The following RCC2 variants were observed in gnomAD, a reference collection of about 807,000 sequenced individuals.
The protein encoded by RCC2 is regulator of chromosome condensation 2.
In RCC2, 19 loss-of-function variants were observed where a neutral mutation model predicts 64.1. The ratio of observed to expected loss-of-function variants is 0.30; its 90% confidence interval spans 0.21 to 0.44. The LOEUF is 0.44. Among genes scored for constraint, RCC2 ranks in the 20% least tolerant of loss-of-function variants. The pLI, the probability that RCC2 is intolerant of heterozygous loss-of-function variation, is 1.00. For missense variants in RCC2, 508 were observed against 710.4 expected (o/e 0.72, Z 3.24); for synonymous variants, 325 against 279.6 (o/e 1.16, Z -1.62).
Position 17,413,725 on chromosome 1 carries a change from G to A in RCC2, c.1027-8C>T. 1 of 1,604,944 alleles carries A rather than the reference G, an allele frequency of 6.2e-7. No individual in the cohort carries two copies. ...CTGGGAGTCCAGGACCAGCTGCAAG[G>A]AAAGAAAACACAGGGTTGGAACAAA... On this transcript the variant is annotated splice_polypyrimidine_tract_variant and splice_region_variant and intron_variant, in intron 8 of 12. Transcript: ENST00000375436.
intron 2 of RCC2, among the ~76,000 whole-genome samples, chr1:17,433,063 T>C (rs2075700205): frequency 6.6e-6 from 1 of 152,164 alleles, no homozygotes; most frequent in Non-Finnish European, 1.5e-5. Context: ...TACATATACA[T>C]ATATACGTGT....
chr1:17,422,047 AAAAC>A (rs1436902421), intron 6 of RCC2, among the ~76,000 whole-genome samples, 152 bp downstream of exon 6: 4 of 152,310 alleles, frequency 2.6e-5, no homozygotes, highest in South Asian at 2.1e-4. Context: ...AAAAAACAAA[AAAAC>A]AAACAAAAAA....
At chr1:17,415,764 G>A (rs2075475747) in intron 8 of RCC2, among the ~76,000 whole-genome samples, 1 of 150,072 alleles carries the variant, frequency 6.7e-6, no homozygotes, top group Non-Finnish European at 1.5e-5. Context: ...TTTATCTAAA[G>A]TGACCTTTAA....
intron 5 of RCC2, 105 bp from the exon 6 acceptor site, chr1:17,422,396 G>T: frequency 1.8e-6 from 2 of 1,081,874 alleles, no homozygotes; most frequent in Non-Finnish European, 2.7e-6. Flanking sequence ...CATTTGCCAG[G>T]CAGAAGGCAA....
intron 2 of RCC2, among the ~76,000 whole-genome samples, chr1:17,429,780 G>A (rs79612713): frequency 0.02 from 3,037 of 152,218 alleles, 103 homozygotes; most frequent in African/African-American, 0.069. Context: ...TGAATCAGGC[G>A]GCCTTTGATG....
At chr1:17,411,448 C>T (rs534161534) in intron 11 of RCC2, among the ~76,000 whole-genome samples, 9 of 152,130 alleles carry the variant, frequency 5.9e-5, no homozygotes, top group East Asian at 1.9e-4. Context: ...TGGTGGCAAA[C>T]GCCTAGAGTC....
At chr1:17,411,589 A>G (rs2075425898) in intron 11 of RCC2, among the ~76,000 whole-genome samples, 2 of 152,000 alleles carry the variant, frequency 1.3e-5, no homozygotes, top group Admixed American at 6.6e-5. Flanking sequence ...TCAAAAAAAA[A>G]AAAAAAAAAG....
chr1:17,435,872 C>T (rs191143607), intron 2 of RCC2, among the ~76,000 whole-genome samples: 3 of 148,246 alleles, frequency 2.0e-5, no homozygotes, highest in Admixed American at 1.4e-4. Context: ...GAGCTGAGAT[C>T]GCAACATTGC....
chr1:17,422,332 T>C, intron 5 of RCC2, 41 bp from the exon 6 acceptor site: 1 of 1,501,614 alleles, frequency 6.7e-7, no homozygotes, highest in Non-Finnish European at 9.2e-7. Flanking sequence ...AAGATAATGG[T>C]GAATGTTTTG....
At chr1:17,432,091 A>G (rs2075688021) in intron 2 of RCC2, among the ~76,000 whole-genome samples, 1 of 152,180 alleles carries the variant, frequency 6.6e-6, no homozygotes, top group South Asian at 2.1e-4. Flanking sequence ...TCTGTCTCAA[A>G]AAGAGAAAAA....
intron 6 of RCC2, among the ~76,000 whole-genome samples, chr1:17,421,579 T>C (rs1338932787): frequency 6.6e-6 from 1 of 152,120 alleles, no homozygotes; most frequent in Non-Finnish European, 1.5e-5. Flanking sequence ...AACAAAGTAT[T>C]TGGGGGAAGT....
At chr1:17,431,359 A>AAAATATATATATATATATATATAT (rs1553158471) in intron 2 of RCC2, among the ~76,000 whole-genome samples, 1 of 44,938 alleles carries the variant, frequency 2.2e-5, no homozygotes, top group Non-Finnish European at 3.8e-5. Flanking sequence ...AAAAAAAAAA[A>AAAATATATATATATATATATATAT]ATATATATAT....
chr1:17,429,478 A>C (rs944859280), intron 2 of RCC2, among the ~76,000 whole-genome samples: 11 of 152,162 alleles, frequency 7.2e-5, no homozygotes, highest in Admixed American at 5.9e-4. Context: ...AACACTAAAA[A>C]AAAAACCCAA....
intron 7 of RCC2, among the ~76,000 whole-genome samples, chr1:17,418,840 AATG>A (rs1342489693): frequency 2.0e-5 from 3 of 152,234 alleles, no homozygotes; most frequent in Non-Finnish European, 4.4e-5. Flanking sequence ...GCAGTCAACA[AATG>A]ATTAGAGTCC....
chr1:17,416,080 G>C (rs1486778979), intron 8 of RCC2, among the ~76,000 whole-genome samples: 12 of 21,454 alleles, frequency 5.6e-4, no homozygotes, highest in African/African-American at 8.7e-4. Context: ...AAAAAAAAAG[G>C]GGGGGGGGGC....
chr1:17,413,388 C>T lies in RCC2; in HGVS notation c.1207+149G>A, dbSNP rs1444442916. Reference sequence around the variant, plus strand: ...CTGCTTGAGCCCAGGAGTTCGACACCGGCCTGGACAACACAACGAGTTCCT... The same window carrying T: ...CTGCTTGAGCCCAGGAGTTCGACACTGGCCTGGACAACACAACGAGTTCCT... On this transcript the variant is annotated intron_variant, in intron 9 of 12. Coordinates refer to ENST00000375436, the MANE Select transcript of RCC2 (RefSeq NM_018715.4). 3.0e-5 allele frequency: 29 copies of T among 954,108 alleles called. No homozygotes were observed. In the East Asian group the frequency reaches 5.3e-4, roughly 17 times the overall value. The allele number at this position is 954,108 out of a possible 1,614,324, so 59.1% of individuals were successfully genotyped here. A position where few individuals can be genotyped will look rare whatever the true frequency, so the allele number is the denominator to read the frequency against.
intron 11 of RCC2, among the ~76,000 whole-genome samples, chr1:17,410,324 C>T (rs2075410972): frequency 1.3e-5 from 2 of 152,146 alleles, no homozygotes; most frequent in Non-Finnish European, 2.9e-5. Context: ...TGCACAAGTC[C>T]CTTCTGGGGA....
chr1:17,414,614 C>A (rs2075463004), intron 8 of RCC2, among the ~76,000 whole-genome samples: 1 of 151,568 alleles, frequency 6.6e-6, no homozygotes, highest in Non-Finnish European at 1.5e-5. Flanking sequence ...AAAAGGCCTA[C>A]CTGTTCCTGG....
Position 17,429,676 on chromosome 1 carries a change from G to A in RCC2, c.286-477C>T, listed in dbSNP as rs111951589. On this transcript the variant is annotated intron_variant, in intron 2 of 12. Coordinates refer to ENST00000375436, the MANE Select transcript of RCC2 (RefSeq NM_018715.4). ...CCCACTCTGCCGAGAGCCTTTCCAT[G>A]GGGACTCAGGAAGAAAACAGTAGAG... is the stretch of plus-strand genomic sequence containing the variant. Among the ~76,000 whole-genome samples, 73 of 152,248 alleles carry A rather than the reference G, an allele frequency of 4.8e-4. 1 individual carries two copies. Among genetic ancestry groups the A allele is most frequent in the African/African-American group, 1.7e-3 (72 of 41,552 alleles).
Sources: gnomAD v4.1 joint callset for allele counts (sites outside exome capture counted in the v4.1 genomes callset) on GRCh38, gnomAD v4.1.1 for gene constraint, MANE v1.5 for transcripts, NCBI Gene and HGNC (gene_info 2026-07-23, HGNC 2026-07-21) for gene names.